The following ADGRL2 variants were observed in gnomAD, a reference collection of about 807,000 sequenced individuals.
The protein encoded by ADGRL2 is adhesion G protein-coupled receptor L2.
A neutral mutation model predicts 157.4 loss-of-function variants in ADGRL2; 44 were observed. The ratio of observed to expected loss-of-function variants is 0.28; its 90% confidence interval spans 0.22 to 0.36. ADGRL2 has a LOEUF of 0.36. ADGRL2 is among the 10% of genes least tolerant of loss of function. The pLI, the probability that ADGRL2 is intolerant of heterozygous loss-of-function variation, is 1.00. For missense variants in ADGRL2, 1,510 were observed against 1,768.9 expected, an observed-to-expected ratio of 0.85 and a Z score of 2.63; for synonymous variants, 585 against 624.7, an observed-to-expected ratio of 0.94 and a Z score of 0.95.
intron 2 of ADGRL2, among the ~76,000 whole-genome samples, chr1:81,777,667 G>T (rs904836164): frequency 1.3e-5 from 2 of 152,116 alleles, no homozygotes; most frequent in Non-Finnish European, 2.9e-5. Context: ...GGAGGCTGAG[G>T]TGAGAGGATC....
At chr1:81,858,414 G>A (rs893338702) in intron 2 of ADGRL2, among the ~76,000 whole-genome samples, 19 of 152,046 alleles carry the variant, frequency 1.2e-4, no homozygotes, top group Non-Finnish European at 2.1e-4. Context: ...CAACTTTTTT[G>A]GTAGTTGGTG....
intron 16 of ADGRL2, among the ~76,000 whole-genome samples, chr1:81,970,922 G>A (rs978600068): frequency 6.6e-6 from 1 of 152,082 alleles, no homozygotes; most frequent in African/African-American, 2.4e-5. Flanking sequence ...ACCCTCTATA[G>A]CTAACTCTCA....
chr1:81,780,115 C>T (rs1382604430), intron 2 of ADGRL2, among the ~76,000 whole-genome samples: 1 of 152,124 alleles, frequency 6.6e-6, no homozygotes, highest in South Asian at 2.1e-4. Context: ...AGATTTTTAT[C>T]CAGTGTTCCT....
intron 2 of ADGRL2, among the ~76,000 whole-genome samples, chr1:81,848,046 C>T (rs1351913200): frequency 2.0e-5 from 3 of 151,582 alleles, no homozygotes; most frequent in African/African-American, 4.8e-5. Context: ...GTGATTTTTC[C>T]ACTTTTTAGT....
chr1:81,771,887 T>C (rs1025219003), intron 2 of ADGRL2, among the ~76,000 whole-genome samples: 1 of 152,234 alleles, frequency 6.6e-6, no homozygotes, highest in African/African-American at 2.4e-5. Context: ...TTGGAATTCT[T>C]TCATCCTTTT....
chr1:81,768,158 AC>A (rs2086208800), intron 2 of ADGRL2, among the ~76,000 whole-genome samples: 1 of 150,416 alleles, frequency 6.6e-6, no homozygotes, highest in African/African-American at 2.4e-5. Flanking sequence ...TGATCCTCCT[AC>A]CTCAGCTTCC....
intron 2 of ADGRL2, among the ~76,000 whole-genome samples, chr1:81,876,437 C>T (rs1221879189): frequency 6.6e-6 from 1 of 152,014 alleles, no homozygotes; most frequent in Non-Finnish European, 1.5e-5. Flanking sequence ...TAATACTAGA[C>T]AATATGTGAC....
chr1:81,916,272 T>C (rs2094852698), intron 3 of ADGRL2, among the ~76,000 whole-genome samples: 1 of 152,170 alleles, frequency 6.6e-6, no homozygotes, highest in African/African-American at 2.4e-5. Flanking sequence ...TTCCTAAGTA[T>C]GATTTCTTTT....
chr1:81,825,876 G>A (rs1472419227), intron 1 of ADGRL2, among the ~76,000 whole-genome samples: 3 of 152,026 alleles, frequency 2.0e-5, no homozygotes, highest in East Asian at 1.9e-4. Flanking sequence ...GATTACTAGA[G>A]GCTGGCAAGA....
intron 1 of ADGRL2, among the ~76,000 whole-genome samples, chr1:81,317,360 C>T (rs1226830630): frequency 6.6e-6 from 1 of 152,126 alleles, no homozygotes. Context: ...GCTTTTCATC[C>T]CTCAGAACTC....
At chr1:81,638,165 A>G (rs1286260267) in intron 3 of ADGRL2, among the ~76,000 whole-genome samples, 1 of 152,148 alleles carries the variant, frequency 6.6e-6, no homozygotes, top group Non-Finnish European at 1.5e-5. Flanking sequence ...AAAACTCACC[A>G]ACTTTGAATT....
intron 14 of ADGRL2, among the ~76,000 whole-genome samples, chr1:81,968,864 T>C (rs1337932478): frequency 6.6e-6 from 1 of 152,232 alleles, no homozygotes; most frequent in East Asian, 1.9e-4. Flanking sequence ...TATTCTTTAT[T>C]CTGTCATGTA....
At chr1:81,924,609 T>C (rs1294527969) in intron 3 of ADGRL2, among the ~76,000 whole-genome samples, 1 of 152,040 alleles carries the variant, frequency 6.6e-6, no homozygotes. Context: ...CCTTAGTATA[T>C]TGCACCTATA....
At chr1:81,893,474 G>T (rs1289592960) in intron 2 of ADGRL2, among the ~76,000 whole-genome samples, 1 of 152,176 alleles carries the variant, frequency 6.6e-6, no homozygotes, top group African/African-American at 2.4e-5. Context: ...CCAGGGCATG[G>T]CAACAATGGC....
chr1:81,719,300 A>G (rs1236307549), intron 1 of ADGRL2, among the ~76,000 whole-genome samples: 1 of 152,180 alleles, frequency 6.6e-6, no homozygotes, highest in Non-Finnish European at 1.5e-5. Flanking sequence ...ATCTGCCAAT[A>G]CCCATGGCTT....
At chr1:81,974,607 C>T (rs1659647801) in intron 17 of ADGRL2, among the ~76,000 whole-genome samples, 1 of 152,068 alleles carries the variant, frequency 6.6e-6, no homozygotes, top group Non-Finnish European at 1.5e-5. Context: ...CACAGTTCAG[C>T]TAGGTTACTT....
At chr1:81,651,174 G>C (rs1570736990) in intron 3 of ADGRL2, among the ~76,000 whole-genome samples, 1 of 152,212 alleles carries the variant, frequency 6.6e-6, no homozygotes, top group African/African-American at 2.4e-5. Context: ...TTGCAAAATA[G>C]CTTGGAAATT....
At chr1:81,824,730 T>C (rs1291350294) in intron 1 of ADGRL2, among the ~76,000 whole-genome samples, 1 of 152,198 alleles carries the variant, frequency 6.6e-6, no homozygotes, top group African/African-American at 2.4e-5. Flanking sequence ...GTTGGCTTTA[T>C]GGCACAGGTG....
In ADGRL2 at chr1:81,952,992, A is replaced by G; in HGVS notation, c.1800A>G (p.Gln600=). 4 of 1,611,824 alleles carry G rather than the reference A, an allele frequency of 2.5e-6. No individual in the cohort carries two copies. Among genetic ancestry groups the G allele is most frequent in the Non-Finnish European group, 3.4e-6 (4 of 1,179,168 alleles). ...DSAGRSYNKL[Q]KREKTCRAYL... ...TCTTTTCTTTTACTTAAAAGCTCCA[A>G]AAACGAGAGAAGACATGCAGGGCTT... The change falls in exon 10 of 24, where the codon CAA becomes CAG. Residue 600 remains glutamine (Q), a synonymous_variant. Coordinates refer to ENST00000686636, the MANE Select transcript of ADGRL2 (RefSeq NM_001366006.2).
Sources: gnomAD v4.1 joint callset for allele counts (sites outside exome capture counted in the v4.1 genomes callset) on GRCh38, gnomAD v4.1.1 for gene constraint, MANE v1.5 for transcripts, NCBI Gene and HGNC (gene_info 2026-07-23, HGNC 2026-07-21) for gene names.